The following USP17L7 variants were observed in gnomAD, a reference collection of about 807,000 sequenced individuals.
USP17L7 encodes inactive ubiquitin carboxyl-terminal hydrolase 17-like protein 7.
USP17L7 carries 53 observed loss-of-function variants against 37.6 expected under a neutral mutation model. The observed-to-expected ratio is 1.41, with a 90% CI of 1.13 to 1.77. The LOEUF is 1.77. Among genes scored for constraint, USP17L7 ranks in the 40% most tolerant of loss-of-function variants. USP17L7 has a pLI of 0.00. For synonymous variants in USP17L7, 330 were observed against 251.0 expected (o/e 1.31, Z -2.98); for missense variants, 914 against 645.0 (o/e 1.42, Z -4.52).
In USP17L7 at chr8:12,133,652, G is replaced by C; in HGVS notation, c.358C>G (p.His120Asp). The change falls in exon 1 of 1, where the codon CAC (histidine) becomes GAC (aspartate). Residue 120 changes from histidine (H) to aspartate (D), a missense_variant. His to Asp is a moderately conservative substitution (Grantham distance 81). Transcript: ENST00000530447. Reference sequence around the variant, plus strand: ...ATAGTACAGAACATGCAGCACTTGTGAAGATGACACGTTTGAGAGTCCTCC... The same window carrying C: ...ATAGTACAGAACATGCAGCACTTGTCAAGATGACACGTTTGAGAGTCCTCC... The part of the protein sequence containing the change: ...SREDSQTCHL[H>D]KCCMFCTMQA... 1 of 1,230,148 alleles carries C rather than the reference G, an allele frequency of 8.1e-7. No homozygotes were observed. Among genetic ancestry groups the C allele is most frequent in the Non-Finnish European group, 1.2e-6 (1 of 855,458 alleles). 76.2% of individuals were successfully genotyped at this position (1,230,148 alleles called of 1,614,324 possible). A position where few individuals can be genotyped will look rare whatever the true frequency, so the allele number is the denominator to read the frequency against.
chr8:12,133,721 A>C lies in USP17L7; in HGVS notation c.289T>G (p.Cys97Gly), dbSNP rs368676698. 4 of 1,332,446 alleles carry C rather than the reference A, an allele frequency of 3.0e-6. No homozygotes were observed. The highest frequency in any genetic ancestry group is 3.2e-6 in the Non-Finnish European group (3 of 949,068). 82.5% of individuals were successfully genotyped at this position (1,332,446 alleles called of 1,614,324 possible). Reference sequence around the variant, plus strand: ...GAAAGCGGCAGTGTGTATGTCAGGCACTGCAGGGAAACGTTCACATAGAAG... The same window carrying C: ...GAAAGCGGCAGTGTGTATGTCAGGCCCTGCAGGGAAACGTTCACATAGAAG... Reference protein sequence around the residue: ...NTFYVNVSLQCLTYTLPLSNY... With the variant: ...NTFYVNVSLQGLTYTLPLSNY... The change falls in exon 1 of 1, where the codon TGC (cysteine) becomes GGC (glycine). Residue 97 changes from cysteine to glycine, a missense_variant. By Grantham distance (159) the Cys-to-Gly change is radical. Transcript: ENST00000530447.
chr8:12,133,854 A>G lies in USP17L7; in HGVS notation c.156T>C (p.Cys52=), dbSNP rs752496797. The G allele has an allele frequency of 2.6e-6, 4 of 1,525,684 alleles. No homozygotes were observed. The highest frequency in any genetic ancestry group is 3.6e-6 in the Non-Finnish European group (4 of 1,123,886). 94.5% of individuals were successfully genotyped at this position (1,525,684 alleles called of 1,614,324 possible). A position where few individuals can be genotyped will look rare whatever the true frequency, so the allele number is the denominator to read the frequency against. Residue 52 remains cysteine (C), a synonymous_variant, in exon 1 of 1, where the codon TGT becomes TGC. Coordinates refer to ENST00000530447, the MANE Select transcript of USP17L7 (RefSeq NM_001256869.2). ...GTCTTGCCACAGGAGCCAAATCATC[A>G]CAGAGGTCGAAACGGGTCTCAGATG... ...PLSSETRFDL[C]DDLAPVARQL... is the part of the protein sequence containing the mutation.
At position 12,133,113 on chromosome 8, in the gene USP17L7, C is replaced by T. The variant is rs746731461; in HGVS notation, c.897G>A (p.Lys299=). ...ACATGTATGGCTGCATGTCACGGCACTTAGGATATTGCACATTCTTGGCAA... is the reference window on the plus strand; with the variant it reads ...ACATGTATGGCTGCATGTCACGGCATTTAGGATATTGCACATTCTTGGCAA... The part of the protein sequence containing the change: ...NKLAKNVQYP[K]CRDMQPYMSQ... The change falls in exon 1 of 1, where the codon AAG becomes AAA. Residue 299 remains lysine, a synonymous_variant. Transcript: ENST00000530447. 6.7e-7 allele frequency: 1 copy of T among 1,486,826 alleles called. No homozygotes were observed. Among genetic ancestry groups the T allele is most frequent in the South Asian group, 1.3e-5 (1 of 78,988 alleles). 92.1% of individuals were successfully genotyped at this position (1,486,826 alleles called of 1,614,324 possible). A position where few individuals can be genotyped will look rare whatever the true frequency, so the allele number is the denominator to read the frequency against.
rs1242585903 is a variant in USP17L7, at chr8:12,133,653, A to T, written c.357T>A (p.Leu119=). ...TAGTACAGAACATGCAGCACTTGTGAAGATGACACGTTTGAGAGTCCTCCC... is the reference window on the plus strand; with the variant it reads ...TAGTACAGAACATGCAGCACTTGTGTAGATGACACGTTTGAGAGTCCTCCC... ...LSREDSQTCH[L]HKCCMFCTMQ... is the part of the protein sequence containing the mutation. The change falls in exon 1 of 1, where the codon CTT becomes CTA. Residue 119 remains leucine, a synonymous_variant. Transcript: ENST00000530447. 2.4e-6 allele frequency: 3 copies of T among 1,230,648 alleles called. No homozygotes were observed. The highest frequency in any genetic ancestry group is 3.5e-6 in the Non-Finnish European group (3 of 856,032). 76.2% of individuals were successfully genotyped at this position (1,230,648 alleles called of 1,614,324 possible).
rs528506213 is a variant in USP17L7 at position 12,132,750 on chromosome 8, C to T, written c.1260G>A (p.Leu420=). 6.5e-7 allele frequency: 1 copy of T among 1,530,770 alleles called. No individual in the cohort carries two copies. The highest frequency in any genetic ancestry group is 8.9e-7 in the Non-Finnish European group (1 of 1,126,462). The allele number at this position is 1,530,770 out of a possible 1,614,324, so 94.8% of individuals were successfully genotyped here. A position where few individuals can be genotyped will look rare whatever the true frequency, so the allele number is the denominator to read the frequency against. ...TGGCTCTTTCCACCAAGTGCTCGTC[C>T]AACTCGGGTACCTGGAGGCAAGGGT... ...RDHPCLQVPE[L]DEHLVERATQ... The change falls in exon 1 of 1, where the codon TTG becomes TTA. Residue 420 remains leucine (L), a synonymous_variant. Coordinates refer to ENST00000530447, the MANE Select transcript of USP17L7 (RefSeq NM_001256869.2).
Position 12,132,814 on chromosome 8 carries a change from G to T in USP17L7, c.1196C>A (p.Thr399Lys), listed in dbSNP as rs746442485. 13 of 1,519,744 alleles carry T rather than the reference G, an allele frequency of 8.6e-6. 3 individuals are homozygous for T. The African/African-American group carries it at 9.8e-5, about 11-fold the overall frequency. 94.1% of individuals were successfully genotyped at this position (1,519,744 alleles called of 1,614,324 possible). Residue 399 changes from threonine (T) to lysine (K), a missense_variant, in exon 1 of 1, where the codon ACA (threonine) becomes AAA (lysine). Coordinates refer to ENST00000530447, the MANE Select transcript of USP17L7 (RefSeq NM_001256869.2). Reference sequence around the variant, plus strand: ...CTCTCCTTGCGTTGCTGGCCTGTCTGTGTCTTCAGCACCAAGGGCTCTTGG... The same window carrying T: ...CTCTCCTTGCGTTGCTGGCCTGTCTTTGTCTTCAGCACCAAGGGCTCTTGG... ...REPRALGAED[T>K]DRPATQGELK... is the part of the protein sequence containing the mutation.
chr8:12,133,712 A>T lies in USP17L7; in HGVS notation c.298T>A (p.Tyr100Asn), dbSNP rs556134232. Residue 100 changes from tyrosine to asparagine, a missense_variant, in exon 1 of 1, where the codon TAC becomes AAC. Physicochemically the swap from Tyr to Asn is moderately radical, Grantham distance 143. Transcript: ENST00000530447. Reference sequence around the variant, plus strand: ...ATGTAGTTGGAAAGCGGCAGTGTGTATGTCAGGCACTGCAGGGAAACGTTC... The same window carrying T: ...ATGTAGTTGGAAAGCGGCAGTGTGTTTGTCAGGCACTGCAGGGAAACGTTC... ...YVNVSLQCLT[Y>N]TLPLSNYMLS... 1.5e-6 allele frequency: 2 copies of T among 1,308,876 alleles called. No homozygotes were observed. The highest frequency in any genetic ancestry group is 1.5e-5 in the African/African-American group (1 of 68,014). 81.1% of individuals were successfully genotyped at this position (1,308,876 alleles called of 1,614,324 possible).
Position 12,133,197 on chromosome 8 carries a change from A to G in USP17L7, c.813T>C (p.Thr271=), listed in dbSNP as rs779512535. Residue 271 remains threonine, a synonymous_variant, in exon 1 of 1, where the codon ACT becomes ACC. Transcript: ENST00000530447. The part of the protein sequence containing the change: ...APASKTLTLP[T]SAKVLILVLK... ...ATACAAGAATGAGGACCTTGGCAGA[A>G]GTGGGTAAAGTTAACGTCTTGGAGG... is the stretch of plus-strand genomic sequence containing the variant. 4 of 1,506,512 alleles carry G rather than the reference A, an allele frequency of 2.7e-6. No homozygotes were observed. In the South Asian group the frequency reaches 3.7e-5, roughly 14 times the overall value. 93.3% of individuals were successfully genotyped at this position (1,506,512 alleles called of 1,614,324 possible).
chr8:12,133,754 C>G lies in USP17L7; in HGVS notation c.256G>C (p.Gly86Arg), dbSNP rs768358330. The change falls in exon 1 of 1, where the codon GGA becomes CGA. Residue 86 changes from glycine to arginine, a missense_variant. By Grantham distance (125) the Gly-to-Arg change is moderately radical (BLOSUM62 -2). Coordinates refer to ENST00000530447, the MANE Select transcript of USP17L7 (RefSeq NM_001256869.2). ...GAAACGTTCACATAGAAGGTATTTC[C>G]TATCTTCTGGAGCCCAGCCCCCACC... ...AAVGAGLQKI[G>R]NTFYVNVSLQ... is the part of the protein sequence containing the mutation. 1.4e-6 allele frequency: 2 copies of G among 1,443,872 alleles called. No homozygotes were observed. Among genetic ancestry groups the G allele is most frequent in the Non-Finnish European group, 1.9e-6 (2 of 1,050,134 alleles). The allele number at this position is 1,443,872 out of a possible 1,614,324, so 89.4% of individuals were successfully genotyped here.
In USP17L7 at chr8:12,133,345, T is replaced by A; in HGVS notation, c.665A>T (p.Asp222Val). The A allele has an allele frequency of 6.7e-7, 1 of 1,496,036 alleles. No individual in the cohort carries two copies. The highest frequency in any genetic ancestry group is 1.2e-5 in the South Asian group (1 of 80,350). 92.7% of individuals were successfully genotyped at this position (1,496,036 alleles called of 1,614,324 possible). The stretch of plus-strand genomic sequence containing the variant: ...AGCTGCCTGGATATCCAGGGCGATG[T>A]CCAGGTAAGGGTCAAAGGTGTCTGA... ...GVSDTFDPYL[D>V]IALDIQAAQS... is the part of the protein sequence containing the mutation. Residue 222 changes from aspartate to valine, a missense_variant, in exon 1 of 1, where the codon GAC (aspartate) becomes GTC (valine). By Grantham distance (152) the Asp-to-Val change is radical (BLOSUM62 -3). Coordinates refer to ENST00000530447, the MANE Select transcript of USP17L7 (RefSeq NM_001256869.2).
rs770672355 is a variant in USP17L7 at position 12,133,157 on chromosome 8, C to T, written c.853G>A (p.Asp285Asn). 5.9e-5 allele frequency: 89 copies of T among 1,509,582 alleles called. 3 individuals carry two copies. Among genetic ancestry groups the T allele is most frequent in the Admixed American group, 3.1e-4 (18 of 57,310 alleles). The allele number at this position is 1,509,582 out of a possible 1,614,324, so 93.5% of individuals were successfully genotyped here. Reference protein sequence around the residue: ...VLILVLKRFSDVTGNKLAKNV... With the variant: ...VLILVLKRFSNVTGNKLAKNV... ...TTGGCAAGTTTGTTGCCTGTGACAT[C>T]GGAGAATCTCTTCAATACAAGAATG... The change falls in exon 1 of 1, where the codon GAT (aspartate) becomes AAT (asparagine). Residue 285 changes from aspartate (D) to asparagine (N), a missense_variant. Physicochemically the swap from Asp to Asn is conservative, Grantham distance 23 (BLOSUM62 1). Transcript: ENST00000530447.
Position 12,133,174 on chromosome 8 carries a change from A to C in USP17L7, c.836T>G (p.Val279Gly). Residue 279 changes from valine (V) to glycine (G), a missense_variant, in exon 1 of 1, where the codon GTA becomes GGA. Val to Gly is a moderately radical substitution (Grantham distance 109, BLOSUM62 -3). Coordinates refer to ENST00000530447, the MANE Select transcript of USP17L7 (RefSeq NM_001256869.2). ...LPTSAKVLIL[V>G]LKRFSDVTGN... The stretch of plus-strand genomic sequence containing the variant: ...TGTGACATCGGAGAATCTCTTCAAT[A>C]CAAGAATGAGGACCTTGGCAGAAGT... 1 of 1,511,578 alleles carries C rather than the reference A, an allele frequency of 6.6e-7. No individual in the cohort carries two copies. The allele number at this position is 1,511,578 out of a possible 1,614,324, so 93.6% of individuals were successfully genotyped here.
At position 12,133,401 on chromosome 8, in the gene USP17L7, A is replaced by C. The variant is rs777888833; in HGVS notation, c.609T>G (p.Ser203=). ...CGTGGCAGTGGAGATACTTGATTTG[A>C]GATCTCCAATACGCTCCAAATATTT... ...IHQIFGAYWR[S]QIKYLHCHGV... Residue 203 remains serine (S), a synonymous_variant, in exon 1 of 1, where the codon TCT becomes TCG. Coordinates refer to ENST00000530447, the MANE Select transcript of USP17L7 (RefSeq NM_001256869.2). 2.8e-6 allele frequency: 4 copies of C among 1,451,924 alleles called. No individual in the cohort carries two copies. Among genetic ancestry groups the C allele is most frequent in the Non-Finnish European group, 1.9e-6 (2 of 1,064,440 alleles). 89.9% of individuals were successfully genotyped at this position (1,451,924 alleles called of 1,614,324 possible).
Position 12,132,810 on chromosome 8 carries a change from G to A in USP17L7, c.1200C>T (p.Asp400=). 1 of 1,519,474 alleles carries A rather than the reference G, an allele frequency of 6.6e-7. No individual in the cohort carries two copies. The highest frequency in any genetic ancestry group is 9.0e-7 in the Non-Finnish European group (1 of 1,116,324). The allele number at this position is 1,519,474 out of a possible 1,614,324, so 94.1% of individuals were successfully genotyped here. ...EPRALGAEDT[D]RPATQGELKR... ...TGAGCTCTCCTTGCGTTGCTGGCCT[G>A]TCTGTGTCTTCAGCACCAAGGGCTC... is the stretch of plus-strand genomic sequence containing the variant. Residue 400 remains aspartate (D), a synonymous_variant, in exon 1 of 1, where the codon GAC becomes GAT. Transcript: ENST00000530447.
rs556134232 is a variant in USP17L7, at chr8:12,133,712, A to G, written c.298T>C (p.Tyr100His). The change falls in exon 1 of 1, where the codon TAC becomes CAC. Residue 100 changes from tyrosine (Y) to histidine (H), a missense_variant. Coordinates refer to ENST00000530447, the MANE Select transcript of USP17L7 (RefSeq NM_001256869.2). ...YVNVSLQCLT[Y>H]TLPLSNYMLS... ...ATGTAGTTGGAAAGCGGCAGTGTGTATGTCAGGCACTGCAGGGAAACGTTC... is the reference window on the plus strand; with the variant it reads ...ATGTAGTTGGAAAGCGGCAGTGTGTGTGTCAGGCACTGCAGGGAAACGTTC... The G allele has an allele frequency of 1.9e-4, 254 of 1,308,972 alleles. 35 individuals are homozygous for G. In the South Asian group the frequency reaches 3.3e-3, roughly 17 times the overall value. 81.1% of individuals were successfully genotyped at this position (1,308,972 alleles called of 1,614,324 possible). A position where few individuals can be genotyped will look rare whatever the true frequency, so the allele number is the denominator to read the frequency against.
At position 12,132,798 on chromosome 8, in the gene USP17L7, C is replaced by T. The variant is rs1238565573; in HGVS notation, c.1212G>A (p.Thr404=). The T allele has an allele frequency of 3.8e-5, 58 of 1,517,098 alleles. 8 individuals are homozygous for T. Among genetic ancestry groups the T allele is most frequent in the South Asian group, 2.0e-4 (16 of 80,926 alleles). 94.0% of individuals were successfully genotyped at this position (1,517,098 alleles called of 1,614,324 possible). A position where few individuals can be genotyped will look rare whatever the true frequency, so the allele number is the denominator to read the frequency against. Residue 404 remains threonine (T), a synonymous_variant, in exon 1 of 1, where the codon ACG becomes ACA. Coordinates refer to ENST00000530447, the MANE Select transcript of USP17L7 (RefSeq NM_001256869.2). ...GGTGGTCTCTCTTGAGCTCTCCTTGCGTTGCTGGCCTGTCTGTGTCTTCAG... is the reference window on the plus strand; with the variant it reads ...GGTGGTCTCTCTTGAGCTCTCCTTGTGTTGCTGGCCTGTCTGTGTCTTCAG... The part of the protein sequence containing the change: ...LGAEDTDRPA[T]QGELKRDHPC...
Position 12,133,713 on chromosome 8 carries a change from T to C in USP17L7, c.297A>G (p.Thr99=). The C allele has an allele frequency of 7.6e-7, 1 of 1,309,856 alleles. No individual in the cohort carries two copies. The highest frequency in any genetic ancestry group is 1.1e-6 in the Non-Finnish European group (1 of 928,340). 81.1% of individuals were successfully genotyped at this position (1,309,856 alleles called of 1,614,324 possible). ...TGTAGTTGGAAAGCGGCAGTGTGTATGTCAGGCACTGCAGGGAAACGTTCA... is the reference window on the plus strand; with the variant it reads ...TGTAGTTGGAAAGCGGCAGTGTGTACGTCAGGCACTGCAGGGAAACGTTCA... ...FYVNVSLQCL[T]YTLPLSNYML... The change falls in exon 1 of 1, where the codon ACA becomes ACG. Residue 99 remains threonine, a synonymous_variant. Coordinates refer to ENST00000530447, the MANE Select transcript of USP17L7 (RefSeq NM_001256869.2).
Position 12,132,928 on chromosome 8 carries a change from G to A in USP17L7, c.1082C>T (p.Ser361Phe). 1 of 1,525,280 alleles carries A rather than the reference G, an allele frequency of 6.6e-7. No homozygotes were observed. The highest frequency in any genetic ancestry group is 8.9e-7 in the Non-Finnish European group (1 of 1,121,142). 94.5% of individuals were successfully genotyped at this position (1,525,280 alleles called of 1,614,324 possible). ...DAEVTASGIT[S>F]VLSQQAYVLF... ...GACATAGGCCTGTTGACTCAGGACA[G>A]AGGTGATGCCAGAGGCAGTGACCTC... The change falls in exon 1 of 1, where the codon TCT (serine) becomes TTT (phenylalanine). Residue 361 changes from serine (S) to phenylalanine (F), a missense_variant. Transcript: ENST00000530447.
Position 12,133,533 on chromosome 8 carries a change from C to T in USP17L7, c.477G>A (p.Glu159=), listed in dbSNP as rs760971742. The T allele has an allele frequency of 1.0e-5, 15 of 1,449,944 alleles. 4 individuals are homozygous for T. The highest frequency in any genetic ancestry group is 3.8e-5 in the South Asian group (3 of 78,948). The allele number at this position is 1,449,944 out of a possible 1,614,324, so 89.8% of individuals were successfully genotyped here. The change falls in exon 1 of 1, where the codon GAG becomes GAA. Residue 159 remains glutamate (E), a synonymous_variant. Coordinates refer to ENST00000530447, the MANE Select transcript of USP17L7 (RefSeq NM_001256869.2). ...TAAACATGAGAAATTCATGGGCATC[C>T]TCCTGCTCACCTCTATGGAAGCCAG... is the stretch of plus-strand genomic sequence containing the variant. ...LAAGFHRGEQ[E]DAHEFLMFTV...
Sources: allele counts gnomAD v4.1 joint callset, GRCh38; gene constraint gnomAD v4.1.1; transcripts MANE v1.5; gene names NCBI Gene and HGNC (gene_info 2026-07-23, HGNC 2026-07-21).